Variants in TUBGCP4 observed in about 807,000 individuals in gnomAD.
TUBGCP4 encodes gamma-tubulin complex component 4.
A neutral mutation model predicts 91.6 loss-of-function variants in TUBGCP4; 54 were observed. The observed-to-expected ratio is 0.59, with a 90% CI of 0.47 to 0.74. The LOEUF (loss-of-function observed/expected upper bound fraction) is 0.74. Ranked by LOEUF, TUBGCP4 falls within the 30% of genes least tolerant of loss-of-function variation. TUBGCP4 has a pLI of 0.00. For missense variants in TUBGCP4, 593 were observed against 800.9 expected (o/e 0.74, Z 3.13); for synonymous variants, 297 against 302.8 (o/e 0.98, Z 0.20).
chr15:43,376,324 A>G, intron 2 of TUBGCP4, 98 bp downstream of exon 2: 1 of 1,601,774 alleles, frequency 6.2e-7, no homozygotes, highest in Non-Finnish European at 8.5e-7. Flanking sequence ...CTTTCAGTGA[A>G]TTTATCGGTA....
Position 43,408,756 on chromosome 15 carries a change from GA to G in TUBGCP4, c.*3544del. The G allele has an allele frequency of 1.3e-6, 1 of 779,164 alleles. No individual in the cohort carries two copies. The highest frequency in any genetic ancestry group is 2.6e-5 in the Admixed American group (1 of 38,194). The allele number at this position is 779,164 out of a possible 1,614,324, so 48.3% of individuals were successfully genotyped here. A position where few individuals can be genotyped will look rare whatever the true frequency, so the allele number is the denominator to read the frequency against. On this transcript the variant is annotated 3_prime_UTR_variant, in exon 18 of 18. Transcript: ENST00000564079. ...AGGGAAATAAACTAGATAAACTCCT[GA>G]AGTCATTTCAAACCCACTCAAATTT...
intron 9 of TUBGCP4, among the ~76,000 whole-genome samples, chr15:43,391,981 G>A (rs1043658676): frequency 2.6e-5 from 4 of 151,650 alleles, no homozygotes; most frequent in Admixed American, 6.6e-5. Flanking sequence ...CTTGAACCTC[G>A]GAGGCAGAGG....
intron 5 of TUBGCP4, 44 bp downstream of exon 5, chr15:43,377,947 G>A (rs759576205): frequency 2.8e-6 from 4 of 1,412,626 alleles, no homozygotes; most frequent in African/African-American, 2.9e-5. Flanking sequence ...AGCACTGAGG[G>A]AATATTACTA....
intron 10 of TUBGCP4, 138 bp downstream of exon 10, chr15:43,395,295 A>AT: frequency 1.1e-6 from 1 of 924,924 alleles, no homozygotes; most frequent in Non-Finnish European, 1.7e-6. Flanking sequence ...AAGTGAGCAA[A>AT]CTATACCTAA....
At chr15:43,394,946 T>G in intron 9 of TUBGCP4, 161 bp from the exon 10 acceptor site, 1 of 723,638 alleles carries the variant, frequency 1.4e-6, no homozygotes, top group South Asian at 1.7e-5. Context: ...TTTACAGCAG[T>G]GTGAGAATGG....
chr15:43,396,230 G>A (rs1007463989), intron 11 of TUBGCP4, among the ~76,000 whole-genome samples: 3 of 152,118 alleles, frequency 2.0e-5, no homozygotes, highest in Non-Finnish European at 2.9e-5. Flanking sequence ...TGTCCTCTAC[G>A]GAAGGAACTG....
chr15:43,405,943 G>C lies in TUBGCP4; in HGVS notation c.*729G>C, dbSNP rs2044854747. On this transcript the variant is annotated 3_prime_UTR_variant, in exon 18 of 18. Coordinates refer to ENST00000564079, the MANE Select transcript of TUBGCP4 (RefSeq NM_014444.5). Reference sequence around the variant, plus strand: ...TAATCCCAGCTACTCAGGAGGCTGAGACAGGAGAATTGCTTGAACCTGGGA... The same window carrying C: ...TAATCCCAGCTACTCAGGAGGCTGACACAGGAGAATTGCTTGAACCTGGGA... 6.7e-6 allele frequency: 1 copy of C among 149,230 alleles called. No homozygotes were observed. The allele number at this position is 149,230 out of a possible 1,614,324, so 9.2% of individuals were successfully genotyped here.
At chr15:43,399,744 A>G (rs1038068613) in intron 13 of TUBGCP4, among the ~76,000 whole-genome samples, 1 of 152,222 alleles carries the variant, frequency 6.6e-6, no homozygotes, top group African/African-American at 2.4e-5. Flanking sequence ...ACACGAGTCA[A>G]CCATTCAAAA....
At chr15:43,377,091 G>A in intron 4 of TUBGCP4, 24 bp downstream of exon 4, 1 of 1,590,938 alleles carries the variant, frequency 6.3e-7, no homozygotes, top group Non-Finnish European at 8.6e-7. Flanking sequence ...ATAACCAAAT[G>A]CCTTGCAATC....
intron 6 of TUBGCP4, 77 bp from the exon 7 acceptor site, chr15:43,383,226 C>A: frequency 7.7e-7 from 1 of 1,299,068 alleles, no homozygotes; most frequent in Non-Finnish European, 1.1e-6. Context: ...TATGACTCAT[C>A]AAATTCTCAG....
chr15:43,386,739 A>AT (rs2044381612), intron 9 of TUBGCP4, among the ~76,000 whole-genome samples: 1 of 151,194 alleles, frequency 6.6e-6, no homozygotes, highest in African/African-American at 2.4e-5. Flanking sequence ...AAAAAAAAAA[A>AT]AAAAAAAAAA....
chr15:43,408,696 A>T lies in TUBGCP4; in HGVS notation c.*3482A>T, dbSNP rs1329399154. 1 of 581,302 alleles carries T rather than the reference A, an allele frequency of 1.7e-6. No individual in the cohort carries two copies. Among genetic ancestry groups the T allele is most frequent in the Non-Finnish European group, 3.1e-6 (1 of 327,338 alleles). The allele number at this position is 581,302 out of a possible 1,614,324, so 36.0% of individuals were successfully genotyped here. On this transcript the variant is annotated 3_prime_UTR_variant, in exon 18 of 18. Coordinates refer to ENST00000564079, the MANE Select transcript of TUBGCP4 (RefSeq NM_014444.5). ...ATATTGAACCTATATACAAATCTTC[A>T]CACATTTGCAAAAGGTTCCTAGCCA... is the stretch of plus-strand genomic sequence containing the variant.
At chr15:43,386,375 A>AATTTTTTTTTTT (rs2044369155) in intron 9 of TUBGCP4, 45 bp downstream of exon 9, 1 of 36,042 alleles carries the variant, frequency 2.8e-5, no homozygotes, top group Non-Finnish European at 4.6e-5. Flanking sequence ...ATATATATAT[A>AATTTTTTTTTTT]TATTTTTTTT....
chr15:43,393,674 C>T (rs529646381), intron 9 of TUBGCP4, among the ~76,000 whole-genome samples: 3 of 152,172 alleles, frequency 2.0e-5, no homozygotes, highest in African/African-American at 4.8e-5. Context: ...TCAATTCCCA[C>T]CTATGAGTGA....
intron 9 of TUBGCP4, among the ~76,000 whole-genome samples, chr15:43,392,141 CTG>C (rs1435569654): frequency 3.4e-5 from 5 of 148,836 alleles, no homozygotes; most frequent in African/African-American, 1.2e-4. Flanking sequence ...TGTTTGAATT[CTG>C]TGTTTCATTG....
At chr15:43,404,074 C>T (rs1051594526) in intron 16 of TUBGCP4, 5 of 524,448 alleles carry the variant, frequency 9.5e-6, no homozygotes, top group Middle Eastern at 5.0e-4. Flanking sequence ...ATCCTCCCCC[C>T]TCCTTACTTC....
intron 16 of TUBGCP4, 77 bp downstream of exon 16, chr15:43,403,876 C>A: frequency 2.0e-6 from 2 of 1,006,340 alleles, no homozygotes; most frequent in Non-Finnish European, 3.2e-6. Context: ...ATGATCTTTC[C>A]TCTGAGTCAG....
At chr15:43,385,722 C>G (rs892278839) in intron 7 of TUBGCP4, 69 bp from the exon 8 acceptor site, 6 of 1,517,208 alleles carry the variant, frequency 4.0e-6, no homozygotes, top group East Asian at 2.3e-5. Context: ...GGGAGAGTTA[C>G]TAGGTATTTT....
intron 9 of TUBGCP4, among the ~76,000 whole-genome samples, chr15:43,393,701 GT>G (rs534953237): frequency 3.6e-4 from 54 of 152,112 alleles, no homozygotes; most frequent in African/African-American, 1.3e-3. Flanking sequence ...GCGGTGTTTG[GT>G]TTTTTGTCCT....
Sources: allele counts gnomAD v4.1 joint callset (sites outside exome capture counted in the v4.1 genomes callset), GRCh38; gene constraint gnomAD v4.1.1; transcripts MANE v1.5; gene names NCBI Gene and HGNC (gene_info 2026-07-23, HGNC 2026-07-21).